IL1R1: variants seen among roughly 807,000 people sequenced by gnomAD.
The protein encoded by IL1R1 is interleukin 1 receptor type 1, also known as interleukin-1 receptor type 1.
Under a neutral mutation model 50.2 loss-of-function variants are expected in IL1R1, and 22 were observed. The observed-to-expected ratio is 0.44, with a 90% CI of 0.31 to 0.63. IL1R1 has a LOEUF of 0.63. Among genes scored for constraint, IL1R1 ranks in the 20% least tolerant of loss-of-function variants. The pLI is 0.07. For synonymous variants in IL1R1, 251 were observed against 236.7 expected, an observed-to-expected ratio of 1.06 and a Z score of -0.55; for missense variants, 509 against 676.2, an observed-to-expected ratio of 0.75 and a Z score of 2.74.
At chr2:102,087,958 T>C (rs1679499912) in intron 1 of IL1R1, among the ~76,000 whole-genome samples, 1 of 152,216 alleles carries the variant, frequency 6.6e-6, no homozygotes, top group Non-Finnish European at 1.5e-5. Context: ...CCAAATTTGG[T>C]CATGAGACTG....
At chr2:102,154,593 C>T (rs1414285076) in intron 2 of IL1R1, among the ~76,000 whole-genome samples, 5 of 152,106 alleles carry the variant, frequency 3.3e-5, no homozygotes, top group African/African-American at 4.8e-5. Context: ...AATATGCCCC[C>T]GCCTGCCTGT....
At chr2:102,092,619 C>G (rs545509734) in intron 1 of IL1R1, among the ~76,000 whole-genome samples, 1 of 151,994 alleles carries the variant, frequency 6.6e-6, no homozygotes, top group Non-Finnish European at 1.5e-5. Context: ...CTGTTCTAAA[C>G]GTAACATTGA....
intron 1 of IL1R1, among the ~76,000 whole-genome samples, chr2:102,128,099 TATTTGTGTCGAAA>T (rs1681827985): frequency 6.6e-6 from 1 of 152,238 alleles, no homozygotes; most frequent in African/African-American, 2.4e-5. Context: ...TAGACTTGAG[TATTTGTGTCGAAA>T]TACCCTCCTT....
At chr2:102,155,838 C>T (rs778101735) in intron 2 of IL1R1, among the ~76,000 whole-genome samples, 1 of 152,220 alleles carries the variant, frequency 6.6e-6, no homozygotes, top group Non-Finnish European at 1.5e-5. Flanking sequence ...GGGAGAGTCA[C>T]ATCCCTGCCT....
At chr2:102,099,953 T>G (rs758351952), upstream of IL1R1, among the ~76,000 whole-genome samples, 2 of 152,140 alleles carry the variant, frequency 1.3e-5, no homozygotes, top group Non-Finnish European at 2.9e-5. Context: ...AATTCACAGT[T>G]CATTTTAACT....
chr2:102,176,824 G>T lies in IL1R1; in HGVS notation c.*65G>T, dbSNP rs1303091884. ...CTTATGGCGTTGCAGGCCAGGTTAT[G>T]CCTCATGCTGACTTGCAGAGTTCAT... On this transcript the variant is annotated 3_prime_UTR_variant, in exon 12 of 12. Transcript: ENST00000410023. 2 of 1,451,302 alleles carry T rather than the reference G, an allele frequency of 1.4e-6. No homozygotes were observed. Among genetic ancestry groups the T allele is most frequent in the Non-Finnish European group, 1.9e-6 (2 of 1,050,666 alleles). 89.9% of individuals were successfully genotyped at this position (1,451,302 alleles called of 1,614,324 possible).
At chr2:102,111,054 G>T (rs370902485) in intron 1 of IL1R1, among the ~76,000 whole-genome samples, 3 of 152,142 alleles carry the variant, frequency 2.0e-5, no homozygotes, top group Non-Finnish European at 4.4e-5. Flanking sequence ...GCAGCTCTAT[G>T]TATGGCCAAT....
At chr2:102,089,093 T>A (rs1679550146) in intron 1 of IL1R1, among the ~76,000 whole-genome samples, 1 of 152,206 alleles carries the variant, frequency 6.6e-6, no homozygotes, top group African/African-American at 2.4e-5. Context: ...GAGTAGCACT[T>A]TTAATGTCCT....
intron 1 of IL1R1, among the ~76,000 whole-genome samples, chr2:102,106,169 G>C (rs957513327): frequency 6.6e-6 from 1 of 152,176 alleles, no homozygotes; most frequent in Non-Finnish European, 1.5e-5. Flanking sequence ...ATACAGCTAA[G>C]GACCAACTGG....
In IL1R1 at chr2:102,177,784, T is replaced by A. The variant is rs1686264787; in HGVS notation, c.*1025T>A. ...TGTCCTTTGTTATTATCCTGCATTT[T>A]ACGTCTTTGGAGGAACAGCTCCCTA... On this transcript the variant is annotated 3_prime_UTR_variant, in exon 12 of 12. Coordinates refer to ENST00000410023, the MANE Select transcript of IL1R1 (RefSeq NM_000877.4). 1 of 152,462 alleles carries A rather than the reference T, an allele frequency of 6.6e-6. No homozygotes were observed. The highest frequency in any genetic ancestry group is 1.5e-5 in the Non-Finnish European group (1 of 68,118). The allele number at this position is 152,462 out of a possible 1,614,324, so 9.4% of individuals were successfully genotyped here.
At chr2:102,127,522 T>G (rs1053245665) in intron 1 of IL1R1, among the ~76,000 whole-genome samples, 3 of 152,134 alleles carry the variant, frequency 2.0e-5, no homozygotes, top group Non-Finnish European at 1.5e-5. Context: ...CCTACCCTCA[T>G]GAAGCTTACA....
chr2:102,173,420 ACT>A (rs1195004473), intron 9 of IL1R1, among the ~76,000 whole-genome samples: 2 of 152,168 alleles, frequency 1.3e-5, no homozygotes, highest in African/African-American at 4.8e-5. Flanking sequence ...TATCTGAAAG[ACT>A]CTATAAATTA....
upstream of IL1R1, among the ~76,000 whole-genome samples, chr2:102,101,450 G>T (rs990652355): frequency 6.6e-6 from 1 of 152,158 alleles, no homozygotes; most frequent in African/African-American, 2.4e-5. Flanking sequence ...TGTTGAGGGG[G>T]AGCCAAGGTT....
intron 3 of IL1R1, among the ~76,000 whole-genome samples, chr2:102,163,170 A>T (rs1684878901): frequency 6.6e-6 from 1 of 151,960 alleles, no homozygotes; most frequent in Non-Finnish European, 1.5e-5. Flanking sequence ...TACATAGAAG[A>T]TTTTATCTTT....
rs1419884281 is a variant in IL1R1 at position 102,159,958 on chromosome 2, T to G, written c.61+2173T>G. 1.7e-4 allele frequency among the ~76,000 whole-genome samples: 26 copies of G among 152,202 alleles called. 1 individual carries two copies. The highest frequency in any genetic ancestry group is 3.7e-4 in the Non-Finnish European group (25 of 68,034). On this transcript the variant is annotated intron_variant, in intron 3 of 11. Coordinates refer to ENST00000410023, the MANE Select transcript of IL1R1 (RefSeq NM_000877.4). ...TGTTTCCTTATTTTCTAGTAAATGCTCTTCTGGTTACTGCAAGCCTTTGAT... is the reference window on the plus strand; with the variant it reads ...TGTTTCCTTATTTTCTAGTAAATGCGCTTCTGGTTACTGCAAGCCTTTGAT...
intron 1 of IL1R1, among the ~76,000 whole-genome samples, chr2:102,095,324 C>A (rs186612916): frequency 6.6e-6 from 1 of 152,322 alleles, no homozygotes; most frequent in African/African-American, 2.4e-5. Context: ...GCCAATTTAT[C>A]TGTTAGGAAA....
upstream of IL1R1, among the ~76,000 whole-genome samples, chr2:102,140,288 A>G (rs569006746): frequency 6.6e-6 from 1 of 152,320 alleles, no homozygotes; most frequent in East Asian, 1.9e-4. Context: ...TTTTTCAGGC[A>G]TTGGATTATG....
In IL1R1 at chr2:102,179,734, T is replaced by G. The variant is rs1161450057; in HGVS notation, c.*2975T>G. ...ATGTTTGTACTAGTTGATGAAGGAG[T>G]TTTTTTTAACCTGTTTATATAATTT... is the stretch of plus-strand genomic sequence containing the variant. On this transcript the variant is annotated 3_prime_UTR_variant, in exon 12 of 12. Coordinates refer to ENST00000410023, the MANE Select transcript of IL1R1 (RefSeq NM_000877.4). 6.6e-6 allele frequency: 1 copy of G among 151,646 alleles called. No individual in the cohort carries two copies. Among genetic ancestry groups the G allele is most frequent in the Non-Finnish European group, 1.5e-5 (1 of 67,724 alleles). The allele number at this position is 151,646 out of a possible 1,614,324, so 9.4% of individuals were successfully genotyped here.
At chr2:102,175,409 G>C in intron 10 of IL1R1, 69 bp from the exon 11 acceptor site, 1 of 1,205,502 alleles carries the variant, frequency 8.3e-7, no homozygotes, top group Non-Finnish European at 1.2e-6. Context: ...ATGAATGTTT[G>C]TGATACTGAC....
Sources: allele counts gnomAD v4.1 joint callset (sites outside exome capture counted in the v4.1 genomes callset), GRCh38; gene constraint gnomAD v4.1.1; transcripts MANE v1.5; gene names NCBI Gene and HGNC (gene_info 2026-07-23, HGNC 2026-07-21).